GSE1: variants seen among roughly 807,000 people sequenced by gnomAD.
GSE1 encodes the protein Gse1 coiled-coil protein.
A neutral mutation model predicts 112.6 loss-of-function variants in GSE1; 32 were observed. The observed-to-expected ratio is 0.28, with a 90% confidence interval of 0.21 to 0.38. The LOEUF (loss-of-function observed/expected upper bound fraction) is 0.38, where lower values mean the gene tolerates loss of function less well. Among genes scored for constraint, GSE1 ranks in the 10% least tolerant of loss-of-function variants. The pLI is 1.00. For missense variants in GSE1, 2,348 were observed against 1,699.2 expected, an observed-to-expected ratio of 1.38 and a Z score of -6.71; for synonymous variants, 1,115 against 735.6, an observed-to-expected ratio of 1.52 and a Z score of -8.35.
chr16:85,448,488 A>AT (rs2049575455), intron 2 of GSE1, among the ~76,000 whole-genome samples: 1 of 152,226 alleles, frequency 6.6e-6, no homozygotes, highest in African/African-American at 2.4e-5. Flanking sequence ...GTCACCTGTC[A>AT]TGCTATTGTT....
intron 2 of GSE1, among the ~76,000 whole-genome samples, chr16:85,643,242 C>G (rs1428539702): frequency 6.6e-6 from 1 of 152,192 alleles, no homozygotes; most frequent in Non-Finnish European, 1.5e-5. Context: ...TGACTTAACT[C>G]CTGGCTGAAT....
In GSE1 at chr16:85,538,946, C is replaced by T. The variant is rs1410420508; in HGVS notation, c.2465-94968C>T. Among the ~76,000 whole-genome samples, 3 of 152,064 alleles carry T rather than the reference C, an allele frequency of 2.0e-5. No homozygotes were observed. The East Asian group carries it at 5.8e-4, about 29-fold the overall frequency. Reference sequence around the variant, plus strand: ...GGCTGGAGTGGCCTACAGCTGTGTTCACCAGGAGTGGGTCTGCCACTGACT... The same window carrying T: ...GGCTGGAGTGGCCTACAGCTGTGTTTACCAGGAGTGGGTCTGCCACTGACT... On this transcript the variant is annotated intron_variant, in intron 2 of 2. Coordinates refer to the GSE1 transcript ENST00000637419.
Position 85,504,520 on chromosome 16 carries a change from T to C in GSE1, c.2465-129394T>C, listed in dbSNP as rs956577280. Reference sequence around the variant, plus strand: ...AAGGTGTTTCCAGGTAGCATACGGTTAGTGTGAAGCCGACGAGTCTTTGGG... The same window carrying C: ...AAGGTGTTTCCAGGTAGCATACGGTCAGTGTGAAGCCGACGAGTCTTTGGG... On this transcript the variant is annotated intron_variant, in intron 2 of 2. Transcript: ENST00000637419. Among the ~76,000 whole-genome samples, 4 of 152,294 alleles carry C rather than the reference T, an allele frequency of 2.6e-5. No individual in the cohort carries two copies. The East Asian group carries it at 7.7e-4, about 29-fold the overall frequency.
chr16:85,386,204 T>C (rs4783191), intron 2 of GSE1, among the ~76,000 whole-genome samples: 117,308 of 152,080 alleles, frequency 0.77, 45,540 homozygotes, highest in East Asian at 0.99. Context: ...CTCAGCATTG[T>C]GGCCAGCAGA....
At chr16:85,258,262 A>T (rs574227436) in intron 1 of GSE1, among the ~76,000 whole-genome samples, 2 of 152,314 alleles carry the variant, frequency 1.3e-5, no homozygotes, top group East Asian at 3.9e-4. Flanking sequence ...CACCGCTGGG[A>T]GCAGCCCAGT....
At chr16:85,201,134 G>A (rs2075020771) in intron 1 of GSE1, among the ~76,000 whole-genome samples, 1 of 152,158 alleles carries the variant, frequency 6.6e-6, no homozygotes, top group South Asian at 2.1e-4. Flanking sequence ...GTGCAGTGGT[G>A]CAATCATAGC....
intron 2 of GSE1, among the ~76,000 whole-genome samples, chr16:85,540,317 C>G (rs1459568643): frequency 5.3e-5 from 8 of 152,190 alleles, no homozygotes; most frequent in Admixed American, 5.2e-4. Context: ...ACTAGAGATT[C>G]CACCCTGCCT....
intron 2 of GSE1, among the ~76,000 whole-genome samples, chr16:85,531,452 G>A (rs1598086387): frequency 6.6e-6 from 1 of 152,182 alleles, no homozygotes; most frequent in Non-Finnish European, 1.5e-5. Flanking sequence ...TCTCTGTGGT[G>A]TCGGGTAGGA....
rs1267137570 is a variant in GSE1 at position 85,666,438 on chromosome 16, G to A, written c.3130+91G>A. 1.0e-5 allele frequency: 13 copies of A among 1,240,104 alleles called. No homozygotes were observed. The East Asian group carries it at 1.4e-4, about 13-fold the overall frequency. 76.8% of individuals were successfully genotyped at this position (1,240,104 alleles called of 1,614,324 possible). ...GCCACAGCTGCTCAGCCGTTCAGCC[G>A]TGGGCACAAGTTTTTATAAACTCCA... On this transcript the variant is annotated intron_variant, in intron 13 of 15. Coordinates refer to ENST00000253458, the MANE Select transcript of GSE1 (RefSeq NM_014615.5).
intron 1 of GSE1, among the ~76,000 whole-genome samples, chr16:85,298,579 C>T (rs1366129554): frequency 6.6e-6 from 1 of 152,174 alleles, no homozygotes; most frequent in African/African-American, 2.4e-5. Flanking sequence ...AGGTGTGCGC[C>T]ACCATGCCTG....
chr16:85,251,723 A>G (rs1364448498), intron 1 of GSE1, among the ~76,000 whole-genome samples: 1 of 152,160 alleles, frequency 6.6e-6, no homozygotes, highest in African/African-American at 2.4e-5. Flanking sequence ...CGCTTTTCTA[A>G]ACGCAAGCGG....
chr16:85,423,264 G>A (rs942049409), intron 2 of GSE1, among the ~76,000 whole-genome samples: 1 of 152,234 alleles, frequency 6.6e-6, no homozygotes, highest in Non-Finnish European at 1.5e-5. Context: ...CTGCATGGAC[G>A]TCCTCCCTGA....
At chr16:85,550,339 G>A (rs1245393720) in intron 2 of GSE1, among the ~76,000 whole-genome samples, 3 of 152,174 alleles carry the variant, frequency 2.0e-5, no homozygotes, top group Admixed American at 6.5e-5. Context: ...CTGGAAAATG[G>A]AACTCATGGT....
In GSE1 at chr16:85,248,901, C is replaced by A. The variant is rs1028834041; in HGVS notation, c.2283+77094C>A. 3.3e-5 allele frequency among the ~76,000 whole-genome samples: 5 copies of A among 152,154 alleles called. No individual in the cohort carries two copies. In the East Asian group the frequency reaches 9.6e-4, roughly 29 times the overall value. Reference sequence around the variant, plus strand: ...ATGGGCCCTGGGCACTGGGCACCCCCGTGGAGTTAGTGCTCAACTGGCAGG... The same window carrying A: ...ATGGGCCCTGGGCACTGGGCACCCCAGTGGAGTTAGTGCTCAACTGGCAGG... On this transcript the variant is annotated intron_variant, in intron 1 of 2. Coordinates refer to the GSE1 transcript ENST00000637419.
chr16:85,666,115 A>G lies in GSE1; in HGVS notation c.2898A>G (p.Leu966=), dbSNP rs767611097. The change falls in exon 13 of 16, where the codon CTA becomes CTG. Residue 966 remains leucine, a synonymous_variant. Transcript: ENST00000253458. The stretch of plus-strand genomic sequence containing the variant: ...AGGAGCTGTCGAGAGTCCAGGAGCT[A>G]GCTCCTGCCAGCGGGGAGAAGGCCA... ...RPQELSRVQE[L]APASGEKARL... 1 of 1,613,258 alleles carries G rather than the reference A, an allele frequency of 6.2e-7. No homozygotes were observed. Among genetic ancestry groups the G allele is most frequent in the South Asian group, 1.1e-5 (1 of 91,078 alleles).
At chr16:85,230,970 C>CGGACGGACGGATGGATAGAA (rs1904278726) in intron 1 of GSE1, among the ~76,000 whole-genome samples, 1 of 147,132 alleles carries the variant, frequency 6.8e-6, no homozygotes, top group South Asian at 2.2e-4. Flanking sequence ...GATGGATGGA[C>CGGACGGACGGATGGATAGAA]GGACGGACGG....
intron 1 of GSE1, among the ~76,000 whole-genome samples, chr16:85,221,610 C>A (rs868618279): frequency 1.6e-4 from 25 of 152,324 alleles, no homozygotes; most frequent in African/African-American, 4.3e-4. Flanking sequence ...CCAGGGCTGC[C>A]CCTACCCACA....
chr16:85,187,464 A>G (rs181354036), intron 1 of GSE1, among the ~76,000 whole-genome samples: 281 of 152,364 alleles, frequency 1.8e-3, no homozygotes, highest in South Asian at 7.7e-3. Context: ...TTGCTTCTCA[A>G]GTTTTTCCCG....
chr16:85,652,268 G>T (rs956802726), intron 3 of GSE1, among the ~76,000 whole-genome samples: 1 of 152,236 alleles, frequency 6.6e-6, no homozygotes, highest in African/African-American at 2.4e-5. Flanking sequence ...ACGACAGGAT[G>T]GCCAGGTCTC....
Sources: allele counts gnomAD v4.1 joint callset (sites outside exome capture counted in the v4.1 genomes callset), GRCh38; gene constraint gnomAD v4.1.1; transcripts MANE v1.5; gene names NCBI Gene and HGNC (gene_info 2026-07-23, HGNC 2026-07-21).